MAK: variants seen among roughly 807,000 people sequenced by gnomAD.
MAK encodes the protein serine/threonine-protein kinase MAK.
MAK carries 65 observed loss-of-function variants against 82.6 expected under a neutral mutation model. The ratio of observed to expected loss-of-function variants is 0.79; its 90% CI spans 0.64 to 0.97. MAK has a LOEUF of 0.97. Ranked by LOEUF, MAK falls within the 50% of genes least tolerant of loss-of-function variation. MAK has a pLI of 0.00. For synonymous variants in MAK, 250 were observed against 274.2 expected (o/e 0.91, Z 0.87); for missense variants, 703 against 780.2 (o/e 0.90, Z 1.18).
chr6:10,814,667 CA>C (rs34602837), intron 4 of MAK, among the ~76,000 whole-genome samples: 26 of 133,610 alleles, frequency 1.9e-4, no homozygotes, highest in East Asian at 2.3e-4. Flanking sequence ...ATCCTGCCTC[CA>C]AAAAAAAAAG....
chr6:10,812,333 A>G (rs1169579927), intron 5 of MAK, among the ~76,000 whole-genome samples: 1 of 152,242 alleles, frequency 6.6e-6, no homozygotes, highest in East Asian at 1.9e-4. Context: ...GTATCTAAAC[A>G]TCTAGTGATT....
In MAK at chr6:10,815,912, GTATA is replaced by G. The variant is rs3064109; in HGVS notation, c.278+1934_278+1937del. Among the ~76,000 whole-genome samples, 575 of 108,338 alleles carry G rather than the reference GTATA, an allele frequency of 5.3e-3. 15 individuals are homozygous for G. The highest frequency in any genetic ancestry group is 0.016 in the African/African-American group (346 of 21,838). 71.1% of individuals were successfully genotyped at this position (108,338 alleles called of 152,430 possible). A position where few individuals can be genotyped will look rare whatever the true frequency, so the allele number is the denominator to read the frequency against. ...TACTGTATTAGTGTAGCTTTATACA[GTATA>G]TATATATATATATATATATATATAT... On this transcript the variant is annotated intron_variant, in intron 4 of 14. Transcript: ENST00000354489.
intron 14 of MAK, among the ~76,000 whole-genome samples, chr6:10,768,874 G>A (rs1429909113): frequency 6.6e-6 from 1 of 152,126 alleles, no homozygotes; most frequent in African/African-American, 2.4e-5. Flanking sequence ...ATAAGATAGT[G>A]GTTAGGATAG....
chr6:10,795,449 TAAAAA>T (rs898777724), intron 9 of MAK, among the ~76,000 whole-genome samples: 3 of 128,224 alleles, frequency 2.3e-5, no homozygotes, highest in African/African-American at 9.1e-5. Context: ...TCTCAAGAAA[TAAAAA>T]AGAAAAGCCC....
chr6:10,775,239 T>A, intron 12 of MAK, 89 bp downstream of exon 12: 1 of 1,461,636 alleles, frequency 6.8e-7, no homozygotes, highest in Non-Finnish European at 9.5e-7. Context: ...TGCACATGTA[T>A]CTTGGTTGGA....
intron 10 of MAK, among the ~76,000 whole-genome samples, chr6:10,787,371 TGATCTTG>T (rs1416592631): frequency 1.3e-5 from 2 of 152,238 alleles, no homozygotes; most frequent in Admixed American, 1.3e-4. Context: ...AATCCTTACC[TGATCTTG>T]GGCAAGAAAC....
rs1773437622 is a variant in MAK, at chr6:10,776,066, G to A, written c.1466-607C>T. 6.6e-6 allele frequency among the ~76,000 whole-genome samples: 1 copy of A among 152,160 alleles called. No individual in the cohort carries two copies. Among genetic ancestry groups the A allele is most frequent in the Non-Finnish European group, 1.5e-5 (1 of 68,042 alleles). ...GCCTCCCAAAGTGCTGAGATTACAG[G>A]TGTAAGCCACCACACCCGACCCAAC... On this transcript the variant is annotated intron_variant, in intron 11 of 14. Transcript: ENST00000354489. The surrounding 1 kb of genome is among the most constrained non-coding windows in gnomAD (Gnocchi z 4.3).
intron 2 of MAK, among the ~76,000 whole-genome samples, chr6:10,828,593 G>A (rs939920399): frequency 6.6e-6 from 1 of 152,062 alleles, no homozygotes; most frequent in African/African-American, 2.4e-5. Context: ...CCTTATAAGA[G>A]GAGCCTGGGC....
intron 1 of MAK, among the ~76,000 whole-genome samples, chr6:10,833,955 C>T (rs913816725): frequency 3.3e-5 from 5 of 152,162 alleles, no homozygotes; most frequent in Non-Finnish European, 5.9e-5. Context: ...TCTCTCTGCA[C>T]GGTTCCTAAT....
intron 14 of MAK, 76 bp downstream of exon 14, chr6:10,770,035 T>G: frequency 6.2e-7 from 1 of 1,612,230 alleles, no homozygotes; most frequent in Non-Finnish European, 8.5e-7. Flanking sequence ...TTGGGAAAAG[T>G]GACTGCATAA....
chr6:10,794,475 G>A (rs1437887242), intron 9 of MAK, among the ~76,000 whole-genome samples: 1 of 152,154 alleles, frequency 6.6e-6, no homozygotes, highest in Non-Finnish European at 1.5e-5. Context: ...AGTGCTATTG[G>A]GGGACGAGGA....
chr6:10,805,060 ATG>A (rs1180013832), intron 6 of MAK, among the ~76,000 whole-genome samples: 2 of 37,784 alleles, frequency 5.3e-5, no homozygotes, highest in Non-Finnish European at 8.4e-5. Context: ...GAGTGTGTGC[ATG>A]TGTGTGTCGG....
At chr6:10,802,174 T>C (rs1012482139) in intron 7 of MAK, 115 bp from the exon 8 acceptor site, 136 of 764,616 alleles carry the variant, frequency 1.8e-4, no homozygotes, top group Admixed American at 1.5e-3. Flanking sequence ...CATTTTCATG[T>C]TGATCCATAT....
In MAK at chr6:10,765,473, T is replaced by A. The variant is rs908380186; in HGVS notation, c.1793-867A>T. Among the ~76,000 whole-genome samples the A allele has an allele frequency of 2.4e-4, 30 of 126,048 alleles. 1 individual carries two copies. The highest frequency in any genetic ancestry group is 6.6e-4 in the Admixed American group (8 of 12,164). 82.7% of individuals were successfully genotyped at this position (126,048 alleles called of 152,430 possible). A position where few individuals can be genotyped will look rare whatever the true frequency, so the allele number is the denominator to read the frequency against. On this transcript the variant is annotated intron_variant, in intron 14 of 14. Transcript: ENST00000354489. ...TTTTTTTTTTTTTTTTTTTTTTTTT[T>A]AATGAGGCAGAGTTTCGCCCTTGTT...
intron 10 of MAK, among the ~76,000 whole-genome samples, chr6:10,790,796 G>C (rs1404801286): frequency 6.6e-6 from 1 of 152,192 alleles, no homozygotes; most frequent in Non-Finnish European, 1.5e-5. Context: ...GTAATCCCCA[G>C]TTTTGAGGTG....
chr6:10,770,913 A>C (rs1156429367), intron 13 of MAK, among the ~76,000 whole-genome samples: 1 of 152,136 alleles, frequency 6.6e-6, no homozygotes, highest in African/African-American at 2.4e-5. Context: ...GCAGTGGCAG[A>C]GGGTGAAGAA....
At chr6:10,785,690 C>T (rs1478002224) in intron 10 of MAK, among the ~76,000 whole-genome samples, 1 of 152,242 alleles carries the variant, frequency 6.6e-6, no homozygotes, top group African/African-American at 2.4e-5. Flanking sequence ...AAACTACTCA[C>T]TCTAAAAAGA....
intron 7 of MAK, chr6:10,802,347 C>T (rs932960532): frequency 5.7e-6 from 2 of 349,794 alleles, no homozygotes; most frequent in African/African-American, 2.1e-5. Flanking sequence ...GCTCTGTTAT[C>T]CAGGTTGGAG....
intron 2 of MAK, among the ~76,000 whole-genome samples, chr6:10,822,256 C>G (rs1307288081): frequency 1.3e-5 from 2 of 151,464 alleles, no homozygotes; most frequent in Non-Finnish European, 2.9e-5. Context: ...GAGTTCAAGA[C>G]CAGTCTAACC....
Sources: gnomAD v4.1 joint callset for allele counts (sites outside exome capture counted in the v4.1 genomes callset) on GRCh38, gnomAD v4.1.1 for gene constraint, Gnocchi (gnomAD v3.1) non-coding constraint, MANE v1.5 for transcripts, NCBI Gene and HGNC (gene_info 2026-07-23, HGNC 2026-07-21) for gene names.